KCNB2: variants seen among roughly 807,000 people sequenced by gnomAD.
KCNB2 encodes the protein potassium voltage-gated channel subfamily B member 2.
KCNB2 carries 15 observed loss-of-function variants against 61.5 expected under a neutral mutation model. The ratio of observed to expected loss-of-function variants is 0.24; its 90% confidence interval spans 0.16 to 0.38. The LOEUF is 0.38. Among genes scored for constraint, KCNB2 ranks in the 10% least tolerant of loss-of-function variants. The pLI, the probability that KCNB2 is intolerant of heterozygous loss-of-function variation, is 1.00. For synonymous variants in KCNB2, 457 were observed against 446.0 expected, an observed-to-expected ratio of 1.02 and a Z score of -0.31; for missense variants, 828 against 1,125.2, an observed-to-expected ratio of 0.74 and a Z score of 3.78.
Position 72,677,489 on chromosome 8 carries a change from A to G in KCNB2, c.579+109176A>G, listed in dbSNP as rs114618941. On this transcript the variant is annotated intron_variant, in intron 2 of 2. Transcript: ENST00000523207. ...TATTTCTTTGCTCCCTCAGATAGCA[A>G]AATTATTGAAGAAATTGCTTACACT... is the stretch of plus-strand genomic sequence containing the variant. 5.2e-3 allele frequency among the ~76,000 whole-genome samples: 787 copies of G among 152,284 alleles called. 7 individuals carry two copies. Among genetic ancestry groups the G allele is most frequent in the African/African-American group, 0.018 (756 of 41,560 alleles).
intron 2 of KCNB2, among the ~76,000 whole-genome samples, chr8:72,752,597 C>A (rs1808210786): frequency 6.6e-6 from 1 of 152,168 alleles, no homozygotes; most frequent in Admixed American, 6.5e-5. Context: ...GGAAGTACAC[C>A]ACCAGCTTTC....
chr8:72,645,914 A>T (rs1249796705), intron 2 of KCNB2, among the ~76,000 whole-genome samples: 1 of 152,176 alleles, frequency 6.6e-6, no homozygotes, highest in Non-Finnish European at 1.5e-5. Context: ...TCTGTACAAT[A>T]TATTACAGGT....
At chr8:72,648,743 T>C (rs953799232) in intron 2 of KCNB2, among the ~76,000 whole-genome samples, 1 of 152,022 alleles carries the variant, frequency 6.6e-6, no homozygotes, top group Non-Finnish European at 1.5e-5. Flanking sequence ...GCTGGAAAAA[T>C]CTATATTGAA....
intron 2 of KCNB2, among the ~76,000 whole-genome samples, chr8:72,691,366 G>A (rs898354659): frequency 7.2e-5 from 11 of 152,126 alleles, no homozygotes; most frequent in African/African-American, 2.4e-4. Context: ...AAAGTCTTAC[G>A]TACTTGAACT....
intron 2 of KCNB2, among the ~76,000 whole-genome samples, chr8:72,807,675 A>G (rs554131306): frequency 6.6e-6 from 1 of 152,330 alleles, no homozygotes; most frequent in East Asian, 1.9e-4. Context: ...AGCATGAATC[A>G]GAAAACACCA....
chr8:72,766,522 T>A (rs1185600062), intron 2 of KCNB2, among the ~76,000 whole-genome samples: 1 of 152,194 alleles, frequency 6.6e-6, no homozygotes, highest in Non-Finnish European at 1.5e-5. Context: ...CACATCACAA[T>A]TTTTTCCTGT....
chr8:72,863,852 A>C (rs1487876293), intron 2 of KCNB2, among the ~76,000 whole-genome samples: 6 of 152,230 alleles, frequency 3.9e-5, no homozygotes, highest in Non-Finnish European at 8.8e-5. Context: ...TCTACAAAAA[A>C]AAATAGCCAG....
chr8:72,560,516 T>C (rs936702876), intron 1 of KCNB2, among the ~76,000 whole-genome samples: 6 of 152,236 alleles, frequency 3.9e-5, no homozygotes, highest in Non-Finnish European at 8.8e-5. Flanking sequence ...TTGCCTTCCT[T>C]ATTTTTTTCA....
chr8:72,904,706 C>A (rs183720980), intron 2 of KCNB2, among the ~76,000 whole-genome samples: 1 of 151,652 alleles, frequency 6.6e-6, no homozygotes, highest in Non-Finnish European at 1.5e-5. Flanking sequence ...ATGTGCACAA[C>A]GTTTTATTTT....
At chr8:72,571,098 C>G (rs1006419394) in intron 2 of KCNB2, among the ~76,000 whole-genome samples, 1 of 152,056 alleles carries the variant, frequency 6.6e-6, no homozygotes, top group African/African-American at 2.4e-5. Context: ...TGCCAGATCC[C>G]TAGTATGGAA....
intron 2 of KCNB2, among the ~76,000 whole-genome samples, chr8:72,587,607 G>A (rs1266922852): frequency 6.6e-6 from 1 of 152,070 alleles, no homozygotes. Flanking sequence ...TCCTGTGCCT[G>A]CAGTCCAGCT....
chr8:72,894,237 G>T (rs555824561), intron 2 of KCNB2, among the ~76,000 whole-genome samples: 142 of 152,150 alleles, frequency 9.3e-4, no homozygotes, highest in Non-Finnish European at 1.7e-3. Context: ...CCGTAAAGGT[G>T]GAGTAGTGCA....
chr8:72,684,166 T>C (rs544029774), intron 2 of KCNB2, among the ~76,000 whole-genome samples: 10 of 152,274 alleles, frequency 6.6e-5, no homozygotes, highest in African/African-American at 7.2e-5. Context: ...TGGTAACTGA[T>C]TGACCATGAG....
At chr8:72,711,722 G>T (rs1378665435) in intron 2 of KCNB2, among the ~76,000 whole-genome samples, 2 of 149,536 alleles carry the variant, frequency 1.3e-5, no homozygotes. Flanking sequence ...AGGCACGGTG[G>T]CTTACGCCTG....
chr8:72,733,796 G>A (rs1807791733), intron 2 of KCNB2, among the ~76,000 whole-genome samples: 1 of 151,920 alleles, frequency 6.6e-6, no homozygotes, highest in Non-Finnish European at 1.5e-5. Flanking sequence ...CGTTTGGTGT[G>A]GATGACTCGG....
chr8:72,823,398 G>C (rs1421434187), intron 2 of KCNB2, among the ~76,000 whole-genome samples: 3 of 152,086 alleles, frequency 2.0e-5, no homozygotes, highest in African/African-American at 7.2e-5. Flanking sequence ...TCAAGCACTG[G>C]AGTCTGTGCA....
At chr8:72,566,074 CAAG>C (rs1358982583) in intron 1 of KCNB2, among the ~76,000 whole-genome samples, 1 of 151,992 alleles carries the variant, frequency 6.6e-6, no homozygotes, top group African/African-American at 2.4e-5. Context: ...CAGAAGGAAA[CAAG>C]AAAAATGTTT....
At chr8:72,729,006 A>G (rs1261578173) in intron 2 of KCNB2, among the ~76,000 whole-genome samples, 1 of 152,208 alleles carries the variant, frequency 6.6e-6, no homozygotes, top group Non-Finnish European at 1.5e-5. Context: ...GATGTCTTTC[A>G]CAGTTAACAA....
intron 2 of KCNB2, among the ~76,000 whole-genome samples, chr8:72,796,721 C>G (rs532018006): frequency 6.6e-6 from 1 of 152,258 alleles, no homozygotes. Flanking sequence ...ATCAGGGAAA[C>G]AGTTTTGGCC....
Sources: allele counts gnomAD v4.1 joint callset (sites outside exome capture counted in the v4.1 genomes callset), GRCh38; gene constraint gnomAD v4.1.1; transcripts MANE v1.5; gene names NCBI Gene and HGNC (gene_info 2026-07-23, HGNC 2026-07-21).